The following LOC400499 variants were observed in gnomAD, a reference collection of about 807,000 sequenced individuals.
the LOC400499 span, chr16:11,440,613 C>A: frequency 2.5e-6 from 1 of 397,914 alleles, no homozygotes; most frequent in Non-Finnish European, 4.4e-6. Flanking sequence ...TGTTGGCTCC[C>A]CAGGGTCATG....
At chr16:11,381,664 G>C in the LOC400499 span, among the ~76,000 whole-genome samples, 6 of 152,210 alleles carry the variant, frequency 3.9e-5, no homozygotes, top group Non-Finnish European at 7.3e-5. Flanking sequence ...TCTCTAGACA[G>C]ATCAGTGCTG....
chr16:11,497,236 G>T, the LOC400499 span, among the ~76,000 whole-genome samples: 5 of 152,134 alleles, frequency 3.3e-5, no homozygotes, highest in African/African-American at 1.2e-4. Flanking sequence ...CGTGCGCTCA[G>T]GATGCATGCG....
the LOC400499 span, among the ~76,000 whole-genome samples, chr16:11,476,348 G>A: frequency 1.3e-5 from 2 of 151,980 alleles, no homozygotes; most frequent in Admixed American, 6.5e-5. Flanking sequence ...GCCCCAGAGG[G>A]ACTCCAGGAA....
At chr16:11,510,651 T>C in the LOC400499 span, among the ~76,000 whole-genome samples, 3 of 151,596 alleles carry the variant, frequency 2.0e-5, no homozygotes, top group African/African-American at 4.9e-5. Flanking sequence ...GAGTTGACCA[T>C]GATCACAGGC....
chr16:11,384,841 A>C, the LOC400499 span: 4 of 1,231,138 alleles, frequency 3.2e-6, no homozygotes, highest in South Asian at 1.6e-4. Context: ...GTGCATCCCA[A>C]AGAGTCCGCT....
the LOC400499 span, among the ~76,000 whole-genome samples, chr16:11,376,349 T>A: frequency 2.4e-5 from 3 of 123,474 alleles, no homozygotes; most frequent in Non-Finnish European, 5.8e-5. Flanking sequence ...ATTATTGAGG[T>A]TTTCTTTTTT....
the LOC400499 span, chr16:11,392,341 C>T: frequency 2.5e-6 from 1 of 398,984 alleles, no homozygotes; most frequent in Non-Finnish European, 4.4e-6. Flanking sequence ...GCAGGCCCCC[C>T]TGGCAGCCGC....
chr16:11,390,009 A>G, the LOC400499 span: 1 of 790,008 alleles, frequency 1.3e-6, no homozygotes, highest in East Asian at 3.4e-5. Context: ...CAGGGTGGTC[A>G]CAGGAGTCAG....
chr16:11,391,699 C>G, the LOC400499 span: 329 of 1,232,220 alleles, frequency 2.7e-4, 2 homozygotes, highest in Non-Finnish European at 3.1e-4. Flanking sequence ...TCCAGCCCCA[C>G]CTGCAGCCAC....
the LOC400499 span, among the ~76,000 whole-genome samples, chr16:11,505,445 CTTTTTTTT>C: frequency 1.3e-3 from 91 of 71,974 alleles, no homozygotes; most frequent in East Asian, 7.5e-3. Context: ...TTTTTCTTTT[CTTTTTTTT>C]TTTTTTTTTT....
At chr16:11,523,718 G>A in the LOC400499 span, 1 of 344,668 alleles carries the variant, frequency 2.9e-6, no homozygotes, top group Non-Finnish European at 5.2e-6. Flanking sequence ...GATAGCTCAA[G>A]CTGCCAATCA....
the LOC400499 span, among the ~76,000 whole-genome samples, chr16:11,492,575 G>C: frequency 2.0e-5 from 3 of 152,012 alleles, no homozygotes; most frequent in African/African-American, 7.3e-5. Context: ...ATGAGGTCAG[G>C]AGATCGAGAC....
chr16:11,516,242 G>A, the LOC400499 span: 1 of 399,678 alleles, frequency 2.5e-6, no homozygotes, highest in Middle Eastern at 6.3e-4. Flanking sequence ...AGTGGGATGG[G>A]GACACAGGTG....
At chr16:11,423,174 CAT>C in the LOC400499 span, 2 of 399,300 alleles carry the variant, frequency 5.0e-6, no homozygotes, top group East Asian at 7.1e-5. Context: ...ACAGAGACCC[CAT>C]ACCTCGAGAG....
the LOC400499 span, chr16:11,477,923 C>T: frequency 7.2e-3 from 2,887 of 398,972 alleles, 25 homozygotes; most frequent in Non-Finnish European, 0.01. Context: ...TAGGGTCAGC[C>T]GGGCAGGAAG....
the LOC400499 span, chr16:11,508,619 C>A: frequency 5.0e-6 from 2 of 397,514 alleles, no homozygotes. Context: ...TATTAAATAT[C>A]TGAGAGGATG....
chr16:11,457,251 T>G, the LOC400499 span: 1 of 540,614 alleles, frequency 1.8e-6, no homozygotes, highest in Non-Finnish European at 3.2e-6. Flanking sequence ...ATGGTGGGAA[T>G]GTGAAATAGT....
At chr16:11,468,083 A>G in the LOC400499 span, among the ~76,000 whole-genome samples, 1 of 151,472 alleles carries the variant, frequency 6.6e-6, no homozygotes, top group East Asian at 1.9e-4. Context: ...CAGCCTTCAC[A>G]GGTGGGGAAA....
the LOC400499 span, among the ~76,000 whole-genome samples, chr16:11,461,457 G>A: frequency 1.3e-5 from 2 of 152,192 alleles, no homozygotes; most frequent in Non-Finnish European, 2.9e-5. Flanking sequence ...CTGGGCTCAA[G>A]TAATCCTCCT....
Sources: allele counts gnomAD v4.1 joint callset (sites outside exome capture counted in the v4.1 genomes callset), GRCh38; gene constraint gnomAD v4.1.1; transcripts MANE v1.5.